The following POC1B variants were observed in gnomAD, a reference collection of about 807,000 sequenced individuals.
POC1B encodes the protein POC1 centriolar protein homolog B.
A neutral mutation model predicts 60.6 loss-of-function variants in POC1B; 44 were observed. The observed-to-expected ratio is 0.73, with a 90% confidence interval of 0.57 to 0.93. The LOEUF (loss-of-function observed/expected upper bound fraction) is 0.93. Ranked by LOEUF, POC1B falls within the 40% of genes least tolerant of loss-of-function variation. The pLI is 0.00. For synonymous variants in POC1B, 180 were observed against 198.9 expected (o/e 0.90, Z 0.80); for missense variants, 555 against 572.3 (o/e 0.97, Z 0.31).
In POC1B at chr12:89,500,974, G is replaced by T. The variant is rs2135747056; in HGVS notation, c.101-3632C>A. ...GGAGGAATTGTTCCACCTCATTCGT[G>T]TCCTCCCGATGATATGAAGTTGATA... On this transcript the variant is annotated intron_variant, in intron 2 of 11. Transcript: ENST00000313546. 5 of 896,352 alleles carry T rather than the reference G, an allele frequency of 5.6e-6. No individual in the cohort carries two copies. The South Asian group carries it at 5.8e-5, about 10-fold the overall frequency. 55.5% of individuals were successfully genotyped at this position (896,352 alleles called of 1,614,324 possible).
At chr12:89,448,759 G>A (rs1342735541) in intron 10 of POC1B, among the ~76,000 whole-genome samples, 2 of 152,240 alleles carry the variant, frequency 1.3e-5, no homozygotes, top group Non-Finnish European at 2.9e-5. Flanking sequence ...AGACAAGTGT[G>A]TCTTAAACAC....
intron 4 of POC1B, among the ~76,000 whole-genome samples, chr12:89,479,400 G>A (rs1362967133): frequency 6.6e-6 from 1 of 151,974 alleles, no homozygotes; most frequent in Non-Finnish European, 1.5e-5. Context: ...TTTTTCATGT[G>A]ATGGCAAAAA....
intron 2 of POC1B, chr12:89,500,475 A>G: frequency 6.3e-7 from 1 of 1,584,526 alleles, no homozygotes; most frequent in South Asian, 1.1e-5. Flanking sequence ...GTTAGTTCCA[A>G]AAATACACCT....
intron 4 of POC1B, among the ~76,000 whole-genome samples, chr12:89,478,881 A>G (rs913849684): frequency 1.7e-4 from 26 of 152,204 alleles, no homozygotes; most frequent in African/African-American, 5.8e-4. Context: ...TCTCTACTAC[A>G]TTAACTTCTA....
At position 89,523,808 on chromosome 12, in the gene POC1B, C is replaced by G. The variant is rs574777128; in HGVS notation, c.100+1312G>C. On this transcript the variant is annotated intron_variant, in intron 2 of 11. Coordinates refer to ENST00000313546, the MANE Select transcript of POC1B (RefSeq NM_172240.3). ...ATAACAGGACACACAACTGCTGTTT[C>G]ATCTCTCCCAATCCTTTCCAAAAGC... The G allele has an allele frequency of 1.3e-4, 199 of 1,535,222 alleles. 1 individual carries two copies. In the South Asian group the frequency reaches 1.9e-3, roughly 15 times the overall value.
At chr12:89,409,132 C>T in the POC1B span, among the ~76,000 whole-genome samples, 1 of 152,132 alleles carries the variant, frequency 6.6e-6, no homozygotes, top group African/African-American at 2.4e-5. Context: ...TAATTAGACC[C>T]TATTTGTCAC....
At chr12:89,437,944 G>A (rs1300660207) in intron 10 of POC1B, among the ~76,000 whole-genome samples, 1 of 151,862 alleles carries the variant, frequency 6.6e-6, no homozygotes, top group African/African-American at 2.4e-5. Context: ...CTACTCCAGA[G>A]GCTGAGGCAG....
rs372408223 is a variant in POC1B at position 89,523,250 on chromosome 12, T to C, written c.100+1870A>G. On this transcript the variant is annotated intron_variant, in intron 2 of 11. Transcript: ENST00000313546. ...GGTCTATCCTCTGGAACATGTAAAT[T>C]AGGAAAAACGTTTTTCAAATACCAG... The C allele has an allele frequency of 6.4e-5, 103 of 1,613,890 alleles. No homozygotes were observed. Among genetic ancestry groups the C allele is most frequent in the Admixed American group, 2.0e-4 (12 of 60,008 alleles).
chr12:89,501,587 C>T, intron 2 of POC1B: 1 of 1,374,752 alleles, frequency 7.3e-7, no homozygotes. Context: ...AAGGAAGAAT[C>T]TAAAAAGAAG....
intron 10 of POC1B, among the ~76,000 whole-genome samples, chr12:89,442,930 A>G (rs1881595570): frequency 6.6e-6 from 1 of 152,112 alleles, no homozygotes; most frequent in Admixed American, 6.5e-5. Context: ...AATGAAAAAC[A>G]AAAAAAAGCA....
At position 89,525,172 on chromosome 12, in the gene POC1B, GC is replaced by G. The variant is rs745576750; in HGVS notation, c.47del (p.Gly16AlafsTer48). 8 of 1,613,658 alleles carry G rather than the reference GC, an allele frequency of 5.0e-6. No homozygotes were observed. Among genetic ancestry groups the G allele is most frequent in the African/African-American group, 1.3e-5 (1 of 74,904 alleles). On this transcript the variant is annotated frameshift_variant, in exon 2 of 12. Coordinates refer to ENST00000313546, the MANE Select transcript of POC1B (RefSeq NM_172240.3). LOFTEE classifies it high-confidence loss of function. ...EDPVLERYFKGHKAAITSLDL... is the reference protein window; with the variant it reads ...EDPVLERYFKXHKAAITSLDL... ...CCAAGGAGGTGATCGCAGCTTTGTGGCCTTTGAAATAACGCTCCAGAACGGG... is the reference window on the plus strand; with the variant it reads ...CCAAGGAGGTGATCGCAGCTTTGTGGCTTTGAAATAACGCTCCAGAACGGG...
chr12:89,506,409 A>T (rs1869898932), intron 2 of POC1B, among the ~76,000 whole-genome samples: 1 of 152,248 alleles, frequency 6.6e-6, no homozygotes, highest in Non-Finnish European at 1.5e-5. Flanking sequence ...AGTAACTTAG[A>T]GAAAGTACTA....
At chr12:89,477,073 G>A (rs1196092139) in intron 4 of POC1B, among the ~76,000 whole-genome samples, 2 of 152,198 alleles carry the variant, frequency 1.3e-5, no homozygotes, top group African/African-American at 4.8e-5. Context: ...ACTCACAACC[G>A]TAATGGCCAC....
chr12:89,518,760 G>C (rs975604388), intron 2 of POC1B, among the ~76,000 whole-genome samples: 1 of 152,144 alleles, frequency 6.6e-6, no homozygotes, highest in African/African-American at 2.4e-5. Context: ...CTGAAACACA[G>C]AGAGATGAAG....
intron 2 of POC1B, among the ~76,000 whole-genome samples, chr12:89,515,402 T>C (rs1870397126): frequency 6.6e-6 from 1 of 152,106 alleles, no homozygotes; most frequent in African/African-American, 2.4e-5. Context: ...CTTGAGTAGG[T>C]GGGACTACAG....
At chr12:89,525,613 A>G in intron 1 of POC1B, 1 of 1,284,856 alleles carries the variant, frequency 7.8e-7, no homozygotes, top group Non-Finnish European at 9.8e-7. Flanking sequence ...AAACCCTCCG[A>G]GAATTCTGGG....
At chr12:89,404,446 A>G in the POC1B span, among the ~76,000 whole-genome samples, 3 of 152,232 alleles carry the variant, frequency 2.0e-5, no homozygotes, top group South Asian at 2.1e-4. Context: ...GAAAAGGTCA[A>G]TTAGACAGTA....
chr12:89,495,403 CTCT>C (rs1374757800), intron 3 of POC1B, among the ~76,000 whole-genome samples: 1 of 152,226 alleles, frequency 6.6e-6, no homozygotes, highest in Non-Finnish European at 1.5e-5. Context: ...CATGTCACTT[CTCT>C]TCAATAGTTT....
chr12:89,473,522 A>G (rs1012304568), intron 4 of POC1B, among the ~76,000 whole-genome samples: 1 of 152,050 alleles, frequency 6.6e-6, no homozygotes, highest in Admixed American at 6.6e-5. Context: ...ATAGCCAGGC[A>G]TAGTGGCAGG....
Sources: gnomAD v4.1 joint callset for allele counts (sites outside exome capture counted in the v4.1 genomes callset) on GRCh38, gnomAD v4.1.1 for gene constraint, MANE v1.5 for transcripts, NCBI Gene and HGNC (gene_info 2026-07-23, HGNC 2026-07-21) for gene names.